The following GPC6 variants were observed in gnomAD, a reference collection of about 807,000 sequenced individuals.
The protein encoded by GPC6 is glypican 6.
In GPC6, 14 loss-of-function variants were observed where a neutral mutation model predicts 55.2. That is an observed-to-expected ratio of 0.25 (90% CI 0.17 to 0.40). The LOEUF is 0.40. Ranked by LOEUF, GPC6 falls within the 10% of genes least tolerant of loss-of-function variation. GPC6 has a pLI of 1.00. For synonymous variants in GPC6, 278 were observed against 259.6 expected, an observed-to-expected ratio of 1.07 and a Z score of -0.68; for missense variants, 641 against 708.5, an observed-to-expected ratio of 0.90 and a Z score of 1.08.
At chr13:93,928,990 G>C (rs1878011954) in intron 3 of GPC6, among the ~76,000 whole-genome samples, 1 of 152,006 alleles carries the variant, frequency 6.6e-6, no homozygotes, top group South Asian at 2.1e-4. Flanking sequence ...CTTATCCTGG[G>C]TGTTACCTTT....
chr13:93,596,634 T>TATATATAA (rs1846370238), intron 2 of GPC6, among the ~76,000 whole-genome samples: 1 of 131,096 alleles, frequency 7.6e-6, no homozygotes, highest in African/African-American at 2.7e-5. Flanking sequence ...TATATATATA[T>TATATATAA]AATGTATATG....
chr13:93,734,812 CA>C (rs932262878), intron 2 of GPC6, among the ~76,000 whole-genome samples: 2 of 151,858 alleles, frequency 1.3e-5, no homozygotes, highest in Admixed American at 1.3e-4. Flanking sequence ...AAACAAACAA[CA>C]AAAAAATACA....
intron 3 of GPC6, among the ~76,000 whole-genome samples, chr13:93,876,450 A>G (rs1036731159): frequency 6.6e-6 from 1 of 152,072 alleles, no homozygotes; most frequent in African/African-American, 2.4e-5. Flanking sequence ...ATAAGCACAC[A>G]CGTCACTGTT....
chr13:93,976,489 A>T (rs1423114641), intron 3 of GPC6, among the ~76,000 whole-genome samples: 1 of 151,932 alleles, frequency 6.6e-6, no homozygotes, highest in East Asian at 2.0e-4. Context: ...TAATACGAGG[A>T]CCTAAAAAAG....
intron 1 of GPC6, among the ~76,000 whole-genome samples, chr13:93,426,986 C>T (rs1226741800): frequency 2.0e-5 from 3 of 150,326 alleles, no homozygotes; most frequent in Non-Finnish European, 3.0e-5. Context: ...CTCTGATGGC[C>T]AGTGATGGTG....
At chr13:93,708,935 G>T (rs1362156137) in intron 2 of GPC6, among the ~76,000 whole-genome samples, 1 of 151,700 alleles carries the variant, frequency 6.6e-6, no homozygotes, top group Non-Finnish European at 1.5e-5. Context: ...AATTGCCCAA[G>T]CCACACAGGG....
intron 1 of GPC6, among the ~76,000 whole-genome samples, chr13:93,340,759 A>G (rs1880227890): frequency 6.6e-6 from 1 of 151,950 alleles, no homozygotes; most frequent in South Asian, 2.1e-4. Flanking sequence ...AGCGAAGAAG[A>G]CTTATGAACC....
intron 1 of GPC6, among the ~76,000 whole-genome samples, chr13:93,420,910 G>T (rs895593485): frequency 2.6e-5 from 4 of 152,080 alleles, no homozygotes; most frequent in Non-Finnish European, 5.9e-5. Flanking sequence ...AATGGAATGG[G>T]AGTATCTAAT....
chr13:93,533,758 A>G (rs979125614), intron 1 of GPC6, among the ~76,000 whole-genome samples: 1 of 151,952 alleles, frequency 6.6e-6, no homozygotes, highest in Admixed American at 6.6e-5. Context: ...TGATGGAACT[A>G]TTTCTTCTTC....
chr13:93,638,885 C>T (rs543813543), intron 2 of GPC6, among the ~76,000 whole-genome samples: 30 of 152,032 alleles, frequency 2.0e-4, no homozygotes, highest in Non-Finnish European at 3.8e-4. Flanking sequence ...TTACTTATTC[C>T]AGAAATATTT....
At chr13:93,500,904 G>A (rs1335182134) in intron 1 of GPC6, among the ~76,000 whole-genome samples, 1 of 152,092 alleles carries the variant, frequency 6.6e-6, no homozygotes, top group Non-Finnish European at 1.5e-5. Context: ...TAATCCATGT[G>A]GATGTGTTAG....
intron 2 of GPC6, among the ~76,000 whole-genome samples, chr13:93,631,599 C>T (rs576333482): frequency 2.0e-5 from 3 of 152,176 alleles, no homozygotes; most frequent in South Asian, 4.1e-4. Flanking sequence ...TACCTGATAA[C>T]GCTGGTCTGT....
chr13:94,399,643 T>A (rs1398766243), intron 8 of GPC6, among the ~76,000 whole-genome samples: 1 of 152,220 alleles, frequency 6.6e-6, no homozygotes, highest in Non-Finnish European at 1.5e-5. Flanking sequence ...TCAAGTCATT[T>A]CAGTCATAGT....
chr13:93,812,142 TGGG>T (rs35966772), intron 2 of GPC6, among the ~76,000 whole-genome samples: 28 of 73,782 alleles, frequency 3.8e-4, no homozygotes, highest in Non-Finnish European at 5.7e-4. Flanking sequence ...TGCAAGGCGG[TGGG>T]GGGGGGGGCG....
At chr13:93,552,517 C>T (rs927480912) in intron 2 of GPC6, among the ~76,000 whole-genome samples, 4 of 151,418 alleles carry the variant, frequency 2.6e-5, no homozygotes, top group Non-Finnish European at 5.9e-5. Context: ...TTTCTTTGAA[C>T]TTTGACAGAT....
intron 1 of GPC6, among the ~76,000 whole-genome samples, chr13:93,454,104 A>C (rs866216469): frequency 6.6e-6 from 1 of 152,160 alleles, no homozygotes; most frequent in African/African-American, 2.4e-5. Context: ...GCCCCACCAG[A>C]GTAGCTAGAT....
At chr13:94,138,064 A>G (rs774637398) in intron 4 of GPC6, among the ~76,000 whole-genome samples, 1 of 152,198 alleles carries the variant, frequency 6.6e-6, no homozygotes, top group Non-Finnish European at 1.5e-5. Context: ...AAATATCTAC[A>G]TGTACAGGTT....
chr13:94,288,866 ATT>A (rs1275993330), intron 5 of GPC6, among the ~76,000 whole-genome samples: 1 of 48,520 alleles, frequency 2.1e-5, no homozygotes, highest in Non-Finnish European at 4.4e-5. Context: ...AAATATATAT[ATT>A]TGTTATATAT....
In GPC6 at chr13:93,833,192, A is replaced by T. The variant is rs146570074; in HGVS notation, c.711+2647A>T. 7.4e-3 allele frequency among the ~76,000 whole-genome samples: 1,117 copies of T among 150,988 alleles called. 6 individuals carry two copies. The highest frequency in any genetic ancestry group is 0.011 in the Non-Finnish European group (775 of 67,840). The stretch of plus-strand genomic sequence containing the variant: ...ATATATATAGCCTTGGTTTGAAAGA[A>T]GCTGAGCAATGCTTTTGTGAATAAT... On this transcript the variant is annotated intron_variant, in intron 3 of 8. Coordinates refer to ENST00000377047, the MANE Select transcript of GPC6 (RefSeq NM_005708.5).
Sources: gnomAD v4.1 joint callset for allele counts (sites outside exome capture counted in the v4.1 genomes callset) on GRCh38, gnomAD v4.1.1 for gene constraint, MANE v1.5 for transcripts, NCBI Gene and HGNC (gene_info 2026-07-23, HGNC 2026-07-21) for gene names.